The following ZBTB44 variants were observed in gnomAD, a reference collection of about 807,000 sequenced individuals.
ZBTB44 encodes the protein zinc finger and BTB domain-containing protein 44.
A neutral mutation model predicts 54.0 loss-of-function variants in ZBTB44; 15 were observed. The ratio of observed to expected loss-of-function variants is 0.28; its 90% CI spans 0.19 to 0.43. ZBTB44 has a LOEUF of 0.43. Ranked by LOEUF, ZBTB44 falls within the 20% of genes least tolerant of loss-of-function variation. The pLI is 1.00. For missense variants in ZBTB44, 487 were observed against 707.1 expected (o/e 0.69, Z 3.53); for synonymous variants, 230 against 250.1 (o/e 0.92, Z 0.76).
intron 1 of ZBTB44, chr11:130,310,351 A>C (rs1158918722): frequency 6.6e-6 from 1 of 152,202 alleles, no homozygotes; most frequent in African/African-American, 2.4e-5. Flanking sequence ...CAGGTTGCCT[A>C]ATGAGAGAAG....
At chr11:130,250,307 C>A (rs1937895526) in intron 2 of ZBTB44, among the ~76,000 whole-genome samples, 1 of 152,200 alleles carries the variant, frequency 6.6e-6, no homozygotes. Flanking sequence ...GGACAGAGCA[C>A]CTGGGAGAAG....
Position 130,254,992 on chromosome 11 carries a change from C to T in ZBTB44, c.1018+5864G>A, listed in dbSNP as rs184398626. ...CACAAGGACAAAAAACCAAACACTG[C>T]ATGTTCTCACTCATAGATGGGAATT... On this transcript the variant is annotated intron_variant, in intron 2 of 7. Coordinates refer to ENST00000357899, the MANE Select transcript of ZBTB44 (RefSeq NM_001301098.2). Among the ~76,000 whole-genome samples, 238 of 146,150 alleles carry T rather than the reference C, an allele frequency of 1.6e-3. 5 individuals are homozygous for T. The South Asian group carries it at 0.035, about 21-fold the overall frequency.
At chr11:130,235,466 G>A (rs1954068112) in intron 5 of ZBTB44, among the ~76,000 whole-genome samples, 1 of 152,138 alleles carries the variant, frequency 6.6e-6, no homozygotes, top group Admixed American at 6.6e-5. Flanking sequence ...GGTTTGAAGG[G>A]AAAAACAAAA....
At chr11:130,308,020 G>A (rs946323367) in intron 1 of ZBTB44, among the ~76,000 whole-genome samples, 1 of 152,056 alleles carries the variant, frequency 6.6e-6, no homozygotes, top group Non-Finnish European at 1.5e-5. Flanking sequence ...GCCACCGTGC[G>A]CAACCCTGTA....
rs1953719989 is a variant in ZBTB44, at chr11:130,227,089, G to C, written c.*4675C>G. 6.6e-6 allele frequency: 1 copy of C among 151,738 alleles called. No individual in the cohort carries two copies. The highest frequency in any genetic ancestry group is 2.1e-4 in the South Asian group (1 of 4,812). 9.4% of individuals were successfully genotyped at this position (151,738 alleles called of 1,614,324 possible). ...GATTGTAACGTTGAAACGGCACTTA[G>C]TTTACAAAAAAGGTCACAAAAATAT... On this transcript the variant is annotated 3_prime_UTR_variant, in exon 8 of 8. Transcript: ENST00000357899.
chr11:130,278,017 CTATTT>C (rs1940233300), intron 1 of ZBTB44, among the ~76,000 whole-genome samples: 1 of 152,126 alleles, frequency 6.6e-6, no homozygotes, highest in Admixed American at 6.5e-5. Context: ...TATTTTCTTA[CTATTT>C]TAAAGATTTT....
chr11:130,301,950 G>C (rs1942010116), intron 1 of ZBTB44, among the ~76,000 whole-genome samples: 1 of 151,508 alleles, frequency 6.6e-6, no homozygotes, highest in African/African-American at 2.4e-5. Flanking sequence ...GGCTAAGGTG[G>C]GAGGATCTCT....
At chr11:130,304,160 T>C (rs1942143642) in intron 1 of ZBTB44, among the ~76,000 whole-genome samples, 1 of 152,202 alleles carries the variant, frequency 6.6e-6, no homozygotes, top group African/African-American at 2.4e-5. Context: ...GGGTGAAGTA[T>C]TTCTACTATA....
intron 1 of ZBTB44, among the ~76,000 whole-genome samples, chr11:130,277,993 C>T (rs1196400958): frequency 6.6e-6 from 1 of 152,148 alleles, no homozygotes. Flanking sequence ...ACAGTGGTTC[C>T]ATTTTGAGTG....
chr11:130,238,616 A>C lies in ZBTB44; in HGVS notation c.1104-9T>G. On this transcript the variant is annotated splice_polypyrimidine_tract_variant and intron_variant, in intron 3 of 7. Transcript: ENST00000357899. ...ACTGAACATTTTCCAATCTAAAAAA[A>C]ACAGACCAAAGAAGGCAACCAGGCT... 2 of 1,607,860 alleles carry C rather than the reference A, an allele frequency of 1.2e-6. No homozygotes were observed. Among genetic ancestry groups the C allele is most frequent in the Non-Finnish European group, 1.7e-6 (2 of 1,177,416 alleles).
rs951252784 is a variant in ZBTB44, at chr11:130,295,774, T to C, written c.-57+18601A>G. 73 of 1,469,462 alleles carry C rather than the reference T, an allele frequency of 5.0e-5. No homozygotes were observed. The African/African-American group carries it at 7.5e-4, about 15-fold the overall frequency. The allele number at this position is 1,469,462 out of a possible 1,614,324, so 91.0% of individuals were successfully genotyped here. A position where few individuals can be genotyped will look rare whatever the true frequency, so the allele number is the denominator to read the frequency against. On this transcript the variant is annotated intron_variant, in intron 1 of 7. Transcript: ENST00000357899. ...TTTCTCAAACCTGCAGTAGAACTCA[T>C]TGTTAAAATTCATGCCCAGGAATGC...
chr11:130,288,932 G>C (rs1472860373), intron 1 of ZBTB44, among the ~76,000 whole-genome samples: 2 of 150,930 alleles, frequency 1.3e-5, no homozygotes, highest in Non-Finnish European at 2.9e-5. Context: ...ATGAGGACAT[G>C]GTTAGGAATT....
In ZBTB44 at chr11:130,257,391, C is replaced by T. The variant is rs144513293; in HGVS notation, c.1018+3465G>A. On this transcript the variant is annotated intron_variant, in intron 2 of 7. Coordinates refer to ENST00000357899, the MANE Select transcript of ZBTB44 (RefSeq NM_001301098.2). ...GGACCTGAATCCAATGACTGGTGTCCTTTTAGGGAGAGAGAGATTTGAAGC... is the reference window on the plus strand; with the variant it reads ...GGACCTGAATCCAATGACTGGTGTCTTTTTAGGGAGAGAGAGATTTGAAGC... 6.2e-3 allele frequency among the ~76,000 whole-genome samples: 944 copies of T among 152,118 alleles called. 10 individuals are homozygous for T. The highest frequency in any genetic ancestry group is 0.021 in the African/African-American group (887 of 41,494).
intron 1 of ZBTB44, chr11:130,296,336 CTTCTT>C (rs1189888726): frequency 3.9e-6 from 6 of 1,532,468 alleles, no homozygotes; most frequent in Non-Finnish European, 5.3e-6. Context: ...AGCTCGTGGT[CTTCTT>C]TTCATCTTGT....
intron 1 of ZBTB44, among the ~76,000 whole-genome samples, chr11:130,309,075 C>A (rs754293499): frequency 9.2e-5 from 14 of 152,302 alleles, no homozygotes; most frequent in Non-Finnish European, 2.1e-4. Flanking sequence ...CTCACTGCAA[C>A]CTTGGCCTTA....
chr11:130,273,307 A>ATTTTTT (rs34506406), intron 1 of ZBTB44, among the ~76,000 whole-genome samples: 1 of 126,314 alleles, frequency 7.9e-6, no homozygotes, highest in Non-Finnish European at 1.6e-5. Flanking sequence ...TATTTTCTTA[A>ATTTTTT]TTTTTTTTTT....
Position 130,245,681 on chromosome 11 carries a change from A to G in ZBTB44, c.1019-5785T>C, listed in dbSNP as rs1437456524. On this transcript the variant is annotated intron_variant, in intron 2 of 7. Coordinates refer to ENST00000357899, the MANE Select transcript of ZBTB44 (RefSeq NM_001301098.2). ...CTCACTATCAGGTTGTGAGAAGGGT[A>G]GGCCAAGAAGACTGGCATCGGCTTC... 3.9e-5 allele frequency among the ~76,000 whole-genome samples: 6 copies of G among 152,124 alleles called. No individual in the cohort carries two copies. In the East Asian group the frequency reaches 9.7e-4, roughly 25 times the overall value.
At chr11:130,264,353 A>C (rs1379568922) in intron 1 of ZBTB44, among the ~76,000 whole-genome samples, 1 of 152,194 alleles carries the variant, frequency 6.6e-6, no homozygotes, top group Admixed American at 6.6e-5. Flanking sequence ...GGAAGAGAGA[A>C]AGAAAGAAAA....
chr11:130,287,046 T>C (rs187875045), intron 1 of ZBTB44, among the ~76,000 whole-genome samples: 44 of 152,334 alleles, frequency 2.9e-4, no homozygotes, highest in African/African-American at 9.4e-4. Flanking sequence ...GACAATTCCA[T>C]CTGAATGTGT....
Sources: gnomAD v4.1 joint callset for allele counts (sites outside exome capture counted in the v4.1 genomes callset) on GRCh38, gnomAD v4.1.1 for gene constraint, MANE v1.5 for transcripts, NCBI Gene and HGNC (gene_info 2026-07-23, HGNC 2026-07-21) for gene names.